Variants in ZNF789 observed in about 807,000 individuals in gnomAD.
ZNF789 encodes the protein zinc finger protein 789.
In ZNF789, 11 loss-of-function variants were observed where a neutral mutation model predicts 15.6. The ratio of observed to expected loss-of-function variants is 0.70; its 90% CI spans 0.44 to 1.16. The LOEUF (loss-of-function observed/expected upper bound fraction) is 1.16, where lower values mean the gene tolerates loss of function less well. ZNF789 is among the 50% of genes most tolerant of loss of function. ZNF789 has a pLI of 0.00. For synonymous variants in ZNF789, 159 were observed against 176.0 expected (o/e 0.90, Z 0.76); for missense variants, 461 against 512.6 (o/e 0.90, Z 0.97).
rs1361550694 is a variant in ZNF789 at position 99,478,526 on chromosome 7, G to T, written c.25-1135G>T. The T allele has an allele frequency of 6.7e-6, 3 of 451,048 alleles. No individual in the cohort carries two copies. In the Admixed American group the frequency reaches 7.5e-5, roughly 11 times the overall value. 27.9% of individuals were successfully genotyped at this position (451,048 alleles called of 1,614,324 possible). A position where few individuals can be genotyped will look rare whatever the true frequency, so the allele number is the denominator to read the frequency against. On this transcript the variant is annotated intron_variant, in intron 2 of 4. Transcript: ENST00000331410. ...CATTTCCTGTTACTGACCACTTATA[G>T]GACAGCGAACGTTTGCCCTTTCCCT...
Position 99,478,278 on chromosome 7 carries a change from G to A in ZNF789, c.25-1383G>A, listed in dbSNP as rs896137903. 16 of 1,288,990 alleles carry A rather than the reference G, an allele frequency of 1.2e-5. No individual in the cohort carries two copies. In the Admixed American group the frequency reaches 1.6e-4, roughly 13 times the overall value. 79.8% of individuals were successfully genotyped at this position (1,288,990 alleles called of 1,614,324 possible). On this transcript the variant is annotated intron_variant, in intron 2 of 4. Coordinates refer to ENST00000331410, the MANE Select transcript of ZNF789 (RefSeq NM_213603.3). The stretch of plus-strand genomic sequence containing the variant: ...ATGCTTGTTAACCTTGTGCAGGTGC[G>A]GGAATGCAGATGGCTGAGTAGGTCA...
chr7:99,484,924 C>G (rs1799845833), intron 4 of ZNF789, among the ~76,000 whole-genome samples: 1 of 152,078 alleles, frequency 6.6e-6, no homozygotes, highest in Non-Finnish European at 1.5e-5. Context: ...GCAAGACTGT[C>G]TGAAAAAAGA....
chr7:99,476,608 G>A, intron 2 of ZNF789, 128 bp downstream of exon 2: 1 of 1,112,596 alleles, frequency 9.0e-7, no homozygotes. Context: ...AGAGAGCTTA[G>A]CCTCTGGAGT....
intron 4 of ZNF789, among the ~76,000 whole-genome samples, chr7:99,484,391 G>C (rs931654659): frequency 1.3e-5 from 2 of 152,212 alleles, no homozygotes; most frequent in Admixed American, 6.5e-5. Context: ...GGGAGGCCAA[G>C]TTGGGCGGAT....
rs1054014113 is a variant in ZNF789 at position 99,485,432 on chromosome 7, T to C, written c.266-1044T>C. On this transcript the variant is annotated intron_variant, in intron 4 of 4. Coordinates refer to ENST00000331410, the MANE Select transcript of ZNF789 (RefSeq NM_213603.3). ...CCTGTTCACCCCTAGTTGAGACCCA[T>C]TGCTCTATTCAGTTGGCTTTTGTCC... is the stretch of plus-strand genomic sequence containing the variant. 4.3e-5 allele frequency: 27 copies of C among 633,268 alleles called. No individual in the cohort carries two copies. In the African/African-American group the frequency reaches 4.3e-4, roughly 10 times the overall value. 39.2% of individuals were successfully genotyped at this position (633,268 alleles called of 1,614,324 possible).
chr7:99,473,865 C>T (rs540748303), intron 1 of ZNF789, among the ~76,000 whole-genome samples: 1 of 152,100 alleles, frequency 6.6e-6, no homozygotes, highest in African/African-American at 2.4e-5. Flanking sequence ...ATGATCCGCC[C>T]GCCTCGGCCT....
chr7:99,487,518 T>C lies in ZNF789; in HGVS notation c.*30T>C, dbSNP rs763870449. Reference sequence around the variant, plus strand: ...AATTGGAAAGCAGTCATTGGAGAACTAGAACTTATAAACCTCTACTTCAAG... The same window carrying C: ...AATTGGAAAGCAGTCATTGGAGAACCAGAACTTATAAACCTCTACTTCAAG... On this transcript the variant is annotated 3_prime_UTR_variant, in exon 5 of 5. Coordinates refer to ENST00000331410, the MANE Select transcript of ZNF789 (RefSeq NM_213603.3). 2 of 1,583,500 alleles carry C rather than the reference T, an allele frequency of 1.3e-6. No individual in the cohort carries two copies. Among genetic ancestry groups the C allele is most frequent in the East Asian group, 4.5e-5 (2 of 44,592 alleles).
rs749990051 is a variant in ZNF789 at position 99,475,548 on chromosome 7, AT to A, written c.-54-854del. Among the ~76,000 whole-genome samples, 5 of 152,288 alleles carry A rather than the reference AT, an allele frequency of 3.3e-5. No individual in the cohort carries two copies. The South Asian group carries it at 1.0e-3, about 32-fold the overall frequency. On this transcript the variant is annotated intron_variant, in intron 1 of 4. Coordinates refer to ENST00000331410, the MANE Select transcript of ZNF789 (RefSeq NM_213603.3). ...GCTGGCTGTAGGAGCAGGGTTGGAA[AT>A]ACGTAAGTAGATTTAGAGAAAGAAA...
intron 2 of ZNF789, chr7:99,478,382 A>C: frequency 7.8e-7 from 1 of 1,287,926 alleles, no homozygotes; most frequent in Non-Finnish European, 1.0e-6. Flanking sequence ...CAACCGTAGC[A>C]GTGGAACTCA....
In ZNF789 at chr7:99,487,468, A is replaced by G; in HGVS notation, c.1258A>G (p.Lys420Glu). Residue 420 changes from lysine to glutamate, a missense_variant, in exon 5 of 5, where the codon AAA (lysine) becomes GAA (glutamate). Lys to Glu is a moderately conservative substitution (Grantham distance 56, BLOSUM62 1). Transcript: ENST00000331410. ...TSFIKHQGTH[K>E]GQIST ...CTTTATTAAGCACCAGGGCACTCAC[A>G]AAGGACAGATATCCACATGATGTTA... The G allele has an allele frequency of 6.2e-7, 1 of 1,613,554 alleles. No homozygotes were observed. Among genetic ancestry groups the G allele is most frequent in the South Asian group, 1.1e-5 (1 of 91,016 alleles).
chr7:99,480,025 C>T (rs1799537589), intron 3 of ZNF789: 1 of 488,312 alleles, frequency 2.0e-6, no homozygotes, highest in East Asian at 3.4e-5. Flanking sequence ...GTATACCCAA[C>T]TTCAGAAATA....
intron 4 of ZNF789, chr7:99,485,289 T>C: frequency 7.4e-7 from 1 of 1,344,874 alleles, no homozygotes; most frequent in South Asian, 1.2e-5. Flanking sequence ...GGGGACAGGA[T>C]GGGGCATGTC....
chr7:99,481,006 G>C (rs1181302975), intron 3 of ZNF789: 2 of 152,202 alleles, frequency 1.3e-5, no homozygotes, highest in Non-Finnish European at 2.9e-5. Context: ...AGGAGAAGAG[G>C]AAAGTGTTCA....
chr7:99,487,484 C>G lies in ZNF789; in HGVS notation c.1274C>G (p.Thr425Arg). Residue 425 changes from threonine (T) to arginine (R), a missense_variant, in exon 5 of 5, where the codon ACA becomes AGA. Physicochemically the swap from Thr to Arg is moderately conservative, Grantham distance 71. Coordinates refer to ENST00000331410, the MANE Select transcript of ZNF789 (RefSeq NM_213603.3). ...GGCACTCACAAAGGACAGATATCCA[C>G]ATGATGTTAATTGGAAAGCAGTCAT... Reference protein sequence around the residue: ...HQGTHKGQIST With the variant: ...HQGTHKGQISR 1 of 1,606,414 alleles carries G rather than the reference C, an allele frequency of 6.2e-7. No homozygotes were observed. Among genetic ancestry groups the G allele is most frequent in the Non-Finnish European group, 8.5e-7 (1 of 1,175,530 alleles).
chr7:99,473,173 T>C (rs1456106723), intron 1 of ZNF789, 117 bp downstream of exon 1: 1 of 152,166 alleles, frequency 6.6e-6, no homozygotes, highest in Non-Finnish European at 1.5e-5. Flanking sequence ...TCGGGGCCTG[T>C]GGCACCAGCT....
intron 3 of ZNF789, among the ~76,000 whole-genome samples, chr7:99,483,209 T>G (rs1799740306): frequency 6.6e-6 from 1 of 151,912 alleles, no homozygotes; most frequent in Admixed American, 6.6e-5. Flanking sequence ...CCAGCCTGGA[T>G]GACAGGAGTG....
chr7:99,483,511 G>T (rs1183065869), intron 3 of ZNF789: 1 of 519,226 alleles, frequency 1.9e-6, no homozygotes, highest in African/African-American at 1.9e-5. Flanking sequence ...TGTGCCTGTA[G>T]TTCCAGCTAC....
In ZNF789 at chr7:99,474,500, A is replaced by G. The variant is rs371249753; in HGVS notation, c.-55+1444A>G. On this transcript the variant is annotated intron_variant, in intron 1 of 4. Coordinates refer to ENST00000331410, the MANE Select transcript of ZNF789 (RefSeq NM_213603.3). ...TCCCAGCTACTCGGGAAGCTGAGGC[A>G]GGAGAATGGCGTGAACCCGGGAGGC... is the stretch of plus-strand genomic sequence containing the variant. 6.6e-5 allele frequency among the ~76,000 whole-genome samples: 10 copies of G among 152,014 alleles called. No individual in the cohort carries two copies. In the East Asian group the frequency reaches 1.5e-3, roughly 24 times the overall value.
At position 99,486,807 on chromosome 7, in the gene ZNF789, G is replaced by C; in HGVS notation, c.597G>C (p.Lys199Asn). ...ATGAGCGAATTCTCACAAGAGCAAA[G>C]TCTTATGAATGCAGTGAATGTGGAA... Reference protein sequence around the residue: ...LGHERILTRAKSYECSECGKV... With the variant: ...LGHERILTRANSYECSECGKV... Residue 199 changes from lysine (K) to asparagine (N), a missense_variant, in exon 5 of 5, where the codon AAG (lysine) becomes AAC (asparagine). By Grantham distance (94) the Lys-to-Asn change is moderately conservative. Transcript: ENST00000331410. The C allele has an allele frequency of 1.2e-6, 2 of 1,614,224 alleles. No individual in the cohort carries two copies.
Sources: gnomAD v4.1 joint callset for allele counts (sites outside exome capture counted in the v4.1 genomes callset) on GRCh38, gnomAD v4.1.1 for gene constraint, MANE v1.5 for transcripts, NCBI Gene and HGNC (gene_info 2026-07-23, HGNC 2026-07-21) for gene names.